The following ZNF385D variants were observed in gnomAD, a reference collection of about 807,000 sequenced individuals.
ZNF385D encodes the protein zinc finger protein 385D, also known as zinc finger protein 659.
Under a neutral mutation model 35.8 loss-of-function variants are expected in ZNF385D, and 15 were observed. The observed-to-expected ratio is 0.42, with a 90% CI of 0.28 to 0.64. ZNF385D has a LOEUF of 0.64. Ranked by LOEUF, ZNF385D falls within the 30% of genes least tolerant of loss-of-function variation. The pLI is 0.23. For synonymous variants in ZNF385D, 212 were observed against 186.8 expected (o/e 1.13, Z -1.10); for missense variants, 474 against 494.6 (o/e 0.96, Z 0.39).
At chr3:22,006,984 G>C (rs986233432) in intron 3 of ZNF385D, among the ~76,000 whole-genome samples, 2 of 152,016 alleles carry the variant, frequency 1.3e-5, no homozygotes, top group African/African-American at 4.8e-5. Context: ...CTTAGACCTA[G>C]GGAAGGTATG....
At chr3:21,451,987 A>G (rs1575169260) in intron 4 of ZNF385D, among the ~76,000 whole-genome samples, 1 of 152,046 alleles carries the variant, frequency 6.6e-6, no homozygotes. Context: ...TGCAGCAATT[A>G]TATATTTTTT....
intron 2 of ZNF385D, among the ~76,000 whole-genome samples, chr3:22,282,322 A>G (rs892426303): frequency 2.6e-5 from 4 of 151,892 alleles, no homozygotes; most frequent in Non-Finnish European, 5.9e-5. Flanking sequence ...ATGTGACCTT[A>G]GATTGTCTAT....
chr3:21,682,105 G>T (rs2066929892), intron 1 of ZNF385D, among the ~76,000 whole-genome samples: 1 of 152,140 alleles, frequency 6.6e-6, no homozygotes, highest in African/African-American at 2.4e-5. Flanking sequence ...AGCCACATTT[G>T]ATGGATTACA....
chr3:21,744,730 T>C (rs893097268), intron 1 of ZNF385D, among the ~76,000 whole-genome samples: 1 of 152,116 alleles, frequency 6.6e-6, no homozygotes, highest in Non-Finnish European at 1.5e-5. Flanking sequence ...TAACACCGGC[T>C]TTACACTGCA....
At chr3:21,905,014 T>A (rs976099039) in intron 3 of ZNF385D, among the ~76,000 whole-genome samples, 1 of 151,926 alleles carries the variant, frequency 6.6e-6, no homozygotes. Context: ...TCATTAATAC[T>A]ATAACAAAAA....
chr3:22,328,035 T>G (rs962302599), intron 2 of ZNF385D, among the ~76,000 whole-genome samples: 1 of 152,198 alleles, frequency 6.6e-6, no homozygotes, highest in Non-Finnish European at 1.5e-5. Context: ...TTTCTATTTG[T>G]TTTTCATTAC....
chr3:21,697,486 T>C (rs2125368262), intron 1 of ZNF385D, among the ~76,000 whole-genome samples: 1 of 152,286 alleles, frequency 6.6e-6, no homozygotes, highest in East Asian at 1.9e-4. Flanking sequence ...GGGTACAGAA[T>C]TGTACTGTCT....
At chr3:21,800,256 T>A (rs1261502031) in intron 3 of ZNF385D, among the ~76,000 whole-genome samples, 5 of 152,210 alleles carry the variant, frequency 3.3e-5, no homozygotes, top group African/African-American at 1.2e-4. Flanking sequence ...AATTATAAGA[T>A]CTATGTGTTC....
chr3:22,075,794 T>C (rs1462998705), intron 3 of ZNF385D, among the ~76,000 whole-genome samples: 2 of 152,004 alleles, frequency 1.3e-5, no homozygotes, highest in Non-Finnish European at 1.5e-5. Context: ...CTGCATTTCC[T>C]ATTCTCCTTT....
chr3:22,263,114 T>G (rs1171389544), intron 2 of ZNF385D, among the ~76,000 whole-genome samples: 1 of 151,980 alleles, frequency 6.6e-6, no homozygotes, highest in East Asian at 1.9e-4. Context: ...AGCTCCTTTC[T>G]TGGCTCCCCT....
chr3:21,518,191 A>G (rs1014316824), intron 3 of ZNF385D, among the ~76,000 whole-genome samples: 1 of 152,168 alleles, frequency 6.6e-6, no homozygotes, highest in East Asian at 1.9e-4. Context: ...TACTTGAACA[A>G]TGTATATTAC....
At chr3:22,058,003 A>G (rs1699496052) in intron 3 of ZNF385D, among the ~76,000 whole-genome samples, 1 of 152,202 alleles carries the variant, frequency 6.6e-6, no homozygotes, top group Non-Finnish European at 1.5e-5. Context: ...AAAATAAGTG[A>G]ATGAATAAAT....
At chr3:22,002,853 T>C (rs544711282) in intron 3 of ZNF385D, among the ~76,000 whole-genome samples, 14 of 152,230 alleles carry the variant, frequency 9.2e-5, no homozygotes, top group African/African-American at 2.9e-4. Flanking sequence ...ATTATCTCAA[T>C]AGATGTAGAA....
At chr3:22,115,943 G>T in intron 3 of ZNF385D, among the ~76,000 whole-genome samples, 1 of 152,008 alleles carries the variant, frequency 6.6e-6, no homozygotes, top group Non-Finnish European at 1.5e-5. Context: ...GTCCGAGGTT[G>T]CAGCCACGAC....
chr3:22,063,285 GATTA>G (rs980095029), intron 3 of ZNF385D, among the ~76,000 whole-genome samples: 29 of 152,048 alleles, frequency 1.9e-4, no homozygotes, highest in African/African-American at 6.8e-4. Flanking sequence ...AACATTGTCT[GATTA>G]ATTTTGGTTT....
intron 3 of ZNF385D, among the ~76,000 whole-genome samples, chr3:22,020,645 CAAGAA>C (rs1697167486): frequency 6.6e-6 from 1 of 151,724 alleles, no homozygotes; most frequent in Non-Finnish European, 1.5e-5. Context: ...GTGAGGATGC[CAAGAA>C]AAGAGAACTC....
chr3:21,778,140 T>G (rs1223479141), intron 3 of ZNF385D, among the ~76,000 whole-genome samples: 1 of 151,868 alleles, frequency 6.6e-6, no homozygotes, highest in Non-Finnish European at 1.5e-5. Context: ...ATGCAAAAAT[T>G]TAAACACTCC....
chr3:21,586,453 T>G lies in ZNF385D; in HGVS notation c.166-21769A>C, dbSNP rs370674778. ...AAATAAACAGGAGAAGTTATTAGACTCCTATGCTGTATGTCCAATGCTTAT... is the reference window on the plus strand; with the variant it reads ...AAATAAACAGGAGAAGTTATTAGACGCCTATGCTGTATGTCCAATGCTTAT... On this transcript the variant is annotated intron_variant, in intron 2 of 7. Transcript: ENST00000281523. 7.6e-4 allele frequency among the ~76,000 whole-genome samples: 115 copies of G among 152,294 alleles called. 2 individuals are homozygous for G. In the South Asian group the frequency reaches 0.017, roughly 23 times the overall value.
intron 3 of ZNF385D, among the ~76,000 whole-genome samples, chr3:22,103,717 G>C (rs1443778969): frequency 7.4e-6 from 1 of 134,966 alleles, no homozygotes; most frequent in Non-Finnish European, 1.7e-5. Context: ...CAAAAACAAT[G>C]GTGAAATAAA....
Sources: allele counts gnomAD v4.1 joint callset (sites outside exome capture counted in the v4.1 genomes callset), GRCh38; gene constraint gnomAD v4.1.1; transcripts MANE v1.5; gene names NCBI Gene and HGNC (gene_info 2026-07-23, HGNC 2026-07-21).